The following WAC variants were observed in gnomAD, a reference collection of about 807,000 sequenced individuals.
WAC encodes the protein WW domain-containing adapter protein with coiled-coil.
Under a neutral mutation model 79.6 loss-of-function variants are expected in WAC, and 11 were observed. That is an observed-to-expected ratio of 0.14 (90% CI 0.09 to 0.23). The LOEUF (loss-of-function observed/expected upper bound fraction) is 0.23, where lower values mean the gene tolerates loss of function less well. WAC is among the 10% of genes least tolerant of loss of function. The probability of loss-of-function intolerance (pLI) is 1.00; values close to 1 mark genes in which losing one functional copy is unlikely to be tolerated. For missense variants in WAC, 728 were observed against 773.5 expected (o/e 0.94, Z 0.70); for synonymous variants, 304 against 276.9 (o/e 1.10, Z -0.97).
At chr10:28,540,897 AAAC>A (rs1372319577) in intron 3 of WAC, among the ~76,000 whole-genome samples, 2 of 152,150 alleles carry the variant, frequency 1.3e-5, no homozygotes, top group African/African-American at 2.4e-5. Context: ...TAATTTTAGA[AAAC>A]AGTGTCTGTG....
chr10:28,545,568 A>G (rs1047116482), intron 3 of WAC, among the ~76,000 whole-genome samples: 14 of 152,218 alleles, frequency 9.2e-5, no homozygotes, highest in African/African-American at 3.4e-4. Context: ...AGTACACAGA[A>G]GGGAAGAGGA....
intron 3 of WAC, among the ~76,000 whole-genome samples, chr10:28,583,122 T>TA (rs1276162511): frequency 6.6e-6 from 1 of 152,136 alleles, no homozygotes; most frequent in African/African-American, 2.4e-5. Context: ...CTACAAATGA[T>TA]AAAGATAAGG....
intron 3 of WAC, among the ~76,000 whole-genome samples, chr10:28,574,651 C>G (rs1487421912): frequency 1.3e-5 from 2 of 152,128 alleles, no homozygotes; most frequent in African/African-American, 2.4e-5. Flanking sequence ...ACCATGTTGC[C>G]CAAGCTGGTC....
At chr10:28,576,395 TCAA>T (rs1231162536) in intron 3 of WAC, among the ~76,000 whole-genome samples, 1 of 152,220 alleles carries the variant, frequency 6.6e-6, no homozygotes, top group African/African-American at 2.4e-5. Context: ...TTTGAACCTG[TCAA>T]CAAAGGAATC....
At chr10:28,543,757 A>G (rs1267849043) in intron 3 of WAC, among the ~76,000 whole-genome samples, 3 of 152,240 alleles carry the variant, frequency 2.0e-5, no homozygotes, top group African/African-American at 7.2e-5. Flanking sequence ...GGAAAAAGAA[A>G]GTCACCTTGT....
At chr10:28,590,343 T>C (rs1232283781) in intron 5 of WAC, among the ~76,000 whole-genome samples, 11 of 147,956 alleles carry the variant, frequency 7.4e-5, no homozygotes, top group Non-Finnish European at 1.6e-4. Flanking sequence ...AAATCTAGGA[T>C]AGATAGGCAG....
intron 3 of WAC, among the ~76,000 whole-genome samples, chr10:28,565,993 T>C (rs1838580980): frequency 6.6e-6 from 1 of 152,146 alleles, no homozygotes; most frequent in Non-Finnish European, 1.5e-5. Context: ...TATACCAAAG[T>C]TTCATACTTA....
At chr10:28,607,319 G>T (rs994237259) in intron 7 of WAC, among the ~76,000 whole-genome samples, 4 of 151,994 alleles carry the variant, frequency 2.6e-5, no homozygotes, top group African/African-American at 9.7e-5. Flanking sequence ...TTTATATTTG[G>T]CAGGGCATGT....
At chr10:28,593,738 A>T (rs1290968576) in intron 6 of WAC, among the ~76,000 whole-genome samples, 3 of 152,260 alleles carry the variant, frequency 2.0e-5, no homozygotes, top group South Asian at 2.1e-4. Flanking sequence ...CTCAAAAAAA[A>T]AAAAATAAAA....
intron 7 of WAC, among the ~76,000 whole-genome samples, chr10:28,602,083 G>A (rs1178674862): frequency 3.3e-5 from 5 of 152,196 alleles, no homozygotes; most frequent in Admixed American, 6.5e-5. Context: ...GCAAGAGAAA[G>A]ATTGCCAGTG....
intron 3 of WAC, among the ~76,000 whole-genome samples, chr10:28,572,794 A>G (rs1007082766): frequency 1.3e-5 from 2 of 152,202 alleles, no homozygotes; most frequent in East Asian, 1.9e-4. Context: ...CTTGGCGATG[A>G]GAGCGAAACT....
At position 28,580,823 on chromosome 10, in the gene WAC, A is replaced by G. The variant is rs759244689; in HGVS notation, c.275-2576A>G. On this transcript the variant is annotated intron_variant, in intron 3 of 13. Transcript: ENST00000354911. ...CTTGAAGTATTAATTTTCCTTTGTTACTAAGCATTTTGGGATCCTAAAACC... is the reference window on the plus strand; with the variant it reads ...CTTGAAGTATTAATTTTCCTTTGTTGCTAAGCATTTTGGGATCCTAAAACC... 1.2e-3 allele frequency among the ~76,000 whole-genome samples: 188 copies of G among 152,266 alleles called. 2 individuals are homozygous for G. Among genetic ancestry groups the G allele is most frequent in the Non-Finnish European group, 6.5e-4 (44 of 68,006 alleles).
intron 7 of WAC, among the ~76,000 whole-genome samples, chr10:28,604,663 T>C (rs940488631): frequency 4.6e-5 from 7 of 152,138 alleles, no homozygotes; most frequent in Admixed American, 3.9e-4. Context: ...GAGATTGCAG[T>C]GAGCCAAGAT....
At chr10:28,609,826 A>T (rs1212221702) in intron 8 of WAC, among the ~76,000 whole-genome samples, 1 of 152,070 alleles carries the variant, frequency 6.6e-6, no homozygotes, top group African/African-American at 2.4e-5. Context: ...GTAAGCTGTG[A>T]TTGCACAACC....
At chr10:28,607,435 C>A (rs1260130987) in intron 7 of WAC, among the ~76,000 whole-genome samples, 1 of 152,150 alleles carries the variant, frequency 6.6e-6, no homozygotes, top group Non-Finnish European at 1.5e-5. Flanking sequence ...ATTACAGTTA[C>A]ATTAAATCTA....
At chr10:28,562,217 T>A (rs1838338246) in intron 3 of WAC, among the ~76,000 whole-genome samples, 2 of 152,068 alleles carry the variant, frequency 1.3e-5, no homozygotes, top group African/African-American at 4.8e-5. Flanking sequence ...CAACCACATC[T>A]GGCTAATTTT....
intron 3 of WAC, among the ~76,000 whole-genome samples, chr10:28,536,808 C>T (rs1836704233): frequency 6.6e-6 from 1 of 152,204 alleles, no homozygotes; most frequent in African/African-American, 2.4e-5. Context: ...AAAGCAATTT[C>T]AGTAAAGACA....
Position 28,610,759 on chromosome 10 carries a change from C to A in WAC, c.1226C>A (p.Ala409Asp). 1 of 1,612,730 alleles carries A rather than the reference C, an allele frequency of 6.2e-7. No individual in the cohort carries two copies. The highest frequency in any genetic ancestry group is 8.5e-7 in the Non-Finnish European group (1 of 1,179,724). Residue 409 changes from alanine (A) to aspartate (D), a missense_variant, in exon 9 of 14, where the codon GCT becomes GAT. Ala to Asp is a moderately radical substitution (Grantham distance 126). Coordinates refer to ENST00000354911, the MANE Select transcript of WAC (RefSeq NM_016628.5). ...LQSIIHKFLT[A>D]GPSAFNITSL... ...TCTATAATTCATAAGTTTCTTACTGCTGGACCATCTGCTTTCAACATAACG... is the reference window on the plus strand; with the variant it reads ...TCTATAATTCATAAGTTTCTTACTGATGGACCATCTGCTTTCAACATAACG...
chr10:28,567,843 C>G (rs1395706850), intron 3 of WAC, among the ~76,000 whole-genome samples: 2 of 152,108 alleles, frequency 1.3e-5, no homozygotes, highest in Non-Finnish European at 2.9e-5. Context: ...CAGCCTTGAC[C>G]TCCTCAGCTT....
Sources: gnomAD v4.1 joint callset for allele counts (sites outside exome capture counted in the v4.1 genomes callset) on GRCh38, gnomAD v4.1.1 for gene constraint, MANE v1.5 for transcripts, NCBI Gene and HGNC (gene_info 2026-07-23, HGNC 2026-07-21) for gene names.